Variants in PTPRD observed in about 807,000 individuals in gnomAD.
The protein encoded by PTPRD is receptor-type tyrosine-protein phosphatase delta.
In PTPRD, 34 loss-of-function variants were observed where a neutral mutation model predicts 214.5. The ratio of observed to expected loss-of-function variants is 0.16; its 90% CI spans 0.12 to 0.21. The LOEUF (loss-of-function observed/expected upper bound fraction) is 0.21. Ranked by LOEUF, PTPRD falls within the 10% of genes least tolerant of loss-of-function variation. The pLI, the probability that PTPRD is intolerant of heterozygous loss-of-function variation, is 1.00. For synonymous variants in PTPRD, 1,128 were observed against 845.7 expected (o/e 1.33, Z -5.79); for missense variants, 2,545 against 2,398.7 (o/e 1.06, Z -1.27).
intron 9 of PTPRD, among the ~76,000 whole-genome samples, chr9:9,292,742 G>A (rs994003145): frequency 1.3e-5 from 2 of 151,366 alleles, no homozygotes; most frequent in East Asian, 2.0e-4. Flanking sequence ...TCTTGGCTGC[G>A]ACAGTTTCTT....
At chr9:8,892,689 GTATA>G (rs78664606) in intron 11 of PTPRD, among the ~76,000 whole-genome samples, 2 of 140,144 alleles carry the variant, frequency 1.4e-5, no homozygotes, top group South Asian at 2.2e-4. Flanking sequence ...ATATATGAGT[GTATA>G]TATATATATG....
At chr9:9,910,101 G>C (rs1049739771) in intron 5 of PTPRD, among the ~76,000 whole-genome samples, 2 of 151,876 alleles carry the variant, frequency 1.3e-5, no homozygotes, top group Non-Finnish European at 2.9e-5. Flanking sequence ...GGTCAAGTTT[G>C]TACCTCAGCT....
intron 3 of PTPRD, among the ~76,000 whole-genome samples, chr9:10,044,913 A>G (rs1455917964): frequency 6.6e-6 from 1 of 151,684 alleles, no homozygotes; most frequent in Non-Finnish European, 1.5e-5. Context: ...CCCTTTCACT[A>G]TCAGTTTATG....
At chr9:10,226,264 G>C (rs1018414364) in intron 3 of PTPRD, among the ~76,000 whole-genome samples, 2 of 152,072 alleles carry the variant, frequency 1.3e-5, no homozygotes, top group African/African-American at 4.8e-5. Context: ...CCAGCCAATG[G>C]ATTAGATGGC....
At chr9:8,947,184 T>C (rs2099070781) in intron 11 of PTPRD, among the ~76,000 whole-genome samples, 1 of 151,600 alleles carries the variant, frequency 6.6e-6, no homozygotes, top group South Asian at 2.1e-4. Context: ...CTATGGTAGG[T>C]TGGGCGTGGT....
intron 14 of PTPRD, among the ~76,000 whole-genome samples, chr9:8,588,904 T>G (rs1189510435): frequency 6.6e-6 from 1 of 152,184 alleles, no homozygotes; most frequent in Admixed American, 6.5e-5. Context: ...GGACCATATT[T>G]CAGACATCCT....
intron 2 of PTPRD, among the ~76,000 whole-genome samples, chr9:10,495,890 T>C (rs928978065): frequency 1.9e-4 from 29 of 151,796 alleles, no homozygotes; most frequent in African/African-American, 6.8e-4. Flanking sequence ...GAGGAATAAA[T>C]TGTATTTTAC....
intron 5 of PTPRD, among the ~76,000 whole-genome samples, chr9:9,936,046 T>A (rs924425605): frequency 1.3e-5 from 2 of 149,058 alleles, no homozygotes; most frequent in Admixed American, 6.6e-5. Flanking sequence ...TGAAACTGGA[T>A]CCCTTCCTTA....
intron 3 of PTPRD, among the ~76,000 whole-genome samples, chr9:10,142,935 C>G (rs1256978854): frequency 6.6e-6 from 1 of 151,392 alleles, no homozygotes. Context: ...CCATGGAATA[C>G]TATGCAGCCA....
chr9:9,884,833 G>A (rs781705107), intron 5 of PTPRD, among the ~76,000 whole-genome samples: 1 of 152,222 alleles, frequency 6.6e-6, no homozygotes, highest in East Asian at 1.9e-4. Context: ...GAAGAAGGAC[G>A]TGTTTGTTTC....
At chr9:9,212,256 A>C (rs1346437805) in intron 9 of PTPRD, among the ~76,000 whole-genome samples, 1 of 152,166 alleles carries the variant, frequency 6.6e-6, no homozygotes, top group African/African-American at 2.4e-5. Context: ...TAAATTTGAC[A>C]ACAGCCTTAA....
chr9:10,579,506 C>T (rs2070889193), intron 2 of PTPRD, among the ~76,000 whole-genome samples: 1 of 152,088 alleles, frequency 6.6e-6, no homozygotes, highest in Admixed American at 6.6e-5. Context: ...TTTCTTTATC[C>T]AGTCCACTGT....
chr9:9,291,835 G>GAT (rs1569567112), intron 9 of PTPRD, among the ~76,000 whole-genome samples: 1 of 148,926 alleles, frequency 6.7e-6, no homozygotes, highest in Non-Finnish European at 1.5e-5. Flanking sequence ...TATCTCAGAG[G>GAT]ATATATATGT....
intron 7 of PTPRD, among the ~76,000 whole-genome samples, chr9:9,656,222 T>C (rs936825398): frequency 1.3e-5 from 2 of 152,192 alleles, no homozygotes; most frequent in African/African-American, 2.4e-5. Context: ...CAGTTTCTTA[T>C]AAAATTAAAC....
intron 2 of PTPRD, among the ~76,000 whole-genome samples, chr9:10,457,983 T>A (rs560969694): frequency 6.6e-6 from 1 of 151,878 alleles, no homozygotes; most frequent in Non-Finnish European, 1.5e-5. Context: ...CTCAAAAATA[T>A]GAATTACAAA....
At chr9:9,163,760 TC>T (rs2099895561) in intron 10 of PTPRD, among the ~76,000 whole-genome samples, 1 of 152,172 alleles carries the variant, frequency 6.6e-6, no homozygotes, top group African/African-American at 2.4e-5. Context: ...TTAAGCAGCC[TC>T]ATAACTTGAC....
At chr9:8,416,643 G>T (rs984029255) in intron 35 of PTPRD, among the ~76,000 whole-genome samples, 5 of 152,066 alleles carry the variant, frequency 3.3e-5, no homozygotes, top group Non-Finnish European at 7.3e-5. Context: ...GTAGATTTAT[G>T]ACCAGGAAAG....
intron 39 of PTPRD, among the ~76,000 whole-genome samples, chr9:8,343,718 C>T (rs1202528462): frequency 6.6e-6 from 1 of 151,956 alleles, no homozygotes; most frequent in Non-Finnish European, 1.5e-5. Context: ...CAACAGCATA[C>T]ATCTTGAGAG....
At chr9:10,253,497 T>C (rs2092974220) in intron 3 of PTPRD, among the ~76,000 whole-genome samples, 1 of 152,240 alleles carries the variant, frequency 6.6e-6, no homozygotes, top group Admixed American at 6.5e-5. Context: ...CAAACAACTC[T>C]TTTAACGCAT....
Sources: allele counts gnomAD v4.1 joint callset (sites outside exome capture counted in the v4.1 genomes callset), GRCh38; gene constraint gnomAD v4.1.1; transcripts MANE v1.5; gene names NCBI Gene and HGNC (gene_info 2026-07-23, HGNC 2026-07-21).